The following ANKRD28 variants were observed in gnomAD, a reference collection of about 807,000 sequenced individuals.
ANKRD28 encodes ankyrin repeat domain 28.
Under a neutral mutation model 126.5 loss-of-function variants are expected in ANKRD28, and 44 were observed. That is an observed-to-expected ratio of 0.35 (90% confidence interval 0.27 to 0.45). The LOEUF is 0.45. Ranked by LOEUF, ANKRD28 falls within the 20% of genes least tolerant of loss-of-function variation. The probability of loss-of-function intolerance (pLI) is 1.00; values close to 1 mark genes in which losing one functional copy is unlikely to be tolerated. For missense variants in ANKRD28, 1,110 were observed against 1,316.6 expected, an observed-to-expected ratio of 0.84 and a Z score of 2.43; for synonymous variants, 442 against 468.5, an observed-to-expected ratio of 0.94 and a Z score of 0.73.
intron 14 of ANKRD28, among the ~76,000 whole-genome samples, chr3:15,699,064 C>G (rs1406787770): frequency 6.6e-6 from 1 of 152,150 alleles, no homozygotes; most frequent in Non-Finnish European, 1.5e-5. Context: ...TGGAACAGAA[C>G]AGAGGCCTCA....
intron 6 of ANKRD28, among the ~76,000 whole-genome samples, chr3:15,726,071 GT>G (rs2074140997): frequency 6.6e-6 from 1 of 152,244 alleles, no homozygotes; most frequent in African/African-American, 2.4e-5. Flanking sequence ...AATAAATGTT[GT>G]ATATTCCAAC....
At chr3:15,825,043 A>C (rs189463689) in intron 1 of ANKRD28, among the ~76,000 whole-genome samples, 3 of 152,332 alleles carry the variant, frequency 2.0e-5, no homozygotes, top group African/African-American at 7.2e-5. Context: ...GAAAATCAAG[A>C]ATAGATTTGA....
At position 15,815,929 on chromosome 3, in the gene ANKRD28, G is replaced by A. The variant is rs1282868529; in HGVS notation, c.28-20623C>T. Among the ~76,000 whole-genome samples, 3 of 151,750 alleles carry A rather than the reference G, an allele frequency of 2.0e-5. No individual in the cohort carries two copies. Among genetic ancestry groups the A allele is most frequent in the Non-Finnish European group, 2.9e-5 (2 of 68,014 alleles). On this transcript the variant is annotated intron_variant, in intron 1 of 27. Transcript: ENST00000399451. The surrounding 1 kb of genome is among the most constrained non-coding windows in gnomAD (Gnocchi z 4.1). ...CAAAGAAAATTAATTTCTTGAGTAC[G>A]TCCATTTAAAAAGTTAATGTCTTCC...
chr3:15,791,395 T>A (rs573949803), intron 2 of ANKRD28, among the ~76,000 whole-genome samples: 1 of 151,676 alleles, frequency 6.6e-6, no homozygotes. Flanking sequence ...CAAAACAGCA[T>A]GGTACTGTCA....
At chr3:15,677,387 G>C in intron 25 of ANKRD28, 93 bp downstream of exon 25, 1 of 857,320 alleles carries the variant, frequency 1.2e-6, no homozygotes. Context: ...AGAGAGGTTT[G>C]GTCCTGAGTT....
chr3:15,755,535 C>G (rs1462014539), intron 3 of ANKRD28, among the ~76,000 whole-genome samples: 1 of 152,154 alleles, frequency 6.6e-6, no homozygotes, highest in African/African-American at 2.4e-5. Context: ...ACGACAAATT[C>G]ATTCTAGAAA....
chr3:15,813,927 A>C (rs76105277), intron 1 of ANKRD28, among the ~76,000 whole-genome samples: 3,748 of 152,312 alleles, frequency 0.025, 159 homozygotes, highest in African/African-American at 0.084. Context: ...AACAAAATAA[A>C]TAAAACTAGT....
intron 27 of ANKRD28, among the ~76,000 whole-genome samples, chr3:15,674,176 A>C (rs1306850844): frequency 7.0e-6 from 1 of 143,196 alleles, no homozygotes; most frequent in African/African-American, 2.6e-5. Flanking sequence ...TGCCTCTTCA[A>C]AAAAAAAAAA....
chr3:15,842,585 C>G (rs1026934010), intron 1 of ANKRD28, among the ~76,000 whole-genome samples: 11 of 152,126 alleles, frequency 7.2e-5, no homozygotes, highest in African/African-American at 2.7e-4. Flanking sequence ...AAGAGCATAA[C>G]TGGGTTGTCT....
intron 1 of ANKRD28, among the ~76,000 whole-genome samples, chr3:15,824,636 GCT>G (rs2061019188): frequency 6.6e-6 from 1 of 152,194 alleles, no homozygotes. Context: ...GAAAAAATTA[GCT>G]CTGATAGTTT....
intron 1 of ANKRD28, among the ~76,000 whole-genome samples, chr3:15,806,714 G>A (rs993575163): frequency 3.9e-5 from 6 of 152,060 alleles, no homozygotes; most frequent in African/African-American, 4.8e-5. Context: ...TAAAGACAGC[G>A]TTTTACCATT....
At chr3:15,720,873 G>C in intron 8 of ANKRD28, 42 bp downstream of exon 8, 1 of 1,563,578 alleles carries the variant, frequency 6.4e-7, no homozygotes, top group Non-Finnish European at 8.8e-7. Flanking sequence ...TGTTTTAACA[G>C]TGACATATGA....
intron 6 of ANKRD28, among the ~76,000 whole-genome samples, chr3:15,733,986 T>C (rs1374399770): frequency 6.6e-6 from 1 of 152,252 alleles, no homozygotes; most frequent in Non-Finnish European, 1.5e-5. Context: ...CTGGTTTGTA[T>C]CTATTTTACA....
At chr3:15,808,411 G>C (rs1333624105) in intron 1 of ANKRD28, among the ~76,000 whole-genome samples, 1 of 152,098 alleles carries the variant, frequency 6.6e-6, no homozygotes, top group Non-Finnish European at 1.5e-5. Flanking sequence ...CTACCTCAGA[G>C]AGGAAAAAAG....
At chr3:15,708,707 G>T (rs1038501369) in intron 13 of ANKRD28, among the ~76,000 whole-genome samples, 15 of 152,110 alleles carry the variant, frequency 9.9e-5, no homozygotes, top group African/African-American at 3.6e-4. Context: ...TGGGTCATTA[G>T]TTCTTTCCAT....
At chr3:15,671,577 A>ATTT (rs2066356146) in intron 27 of ANKRD28, among the ~76,000 whole-genome samples, 1 of 145,220 alleles carries the variant, frequency 6.9e-6, no homozygotes, top group African/African-American at 2.8e-5. Flanking sequence ...TAAACACTAT[A>ATTT]GTTTTTTTTT....
At chr3:15,844,015 G>A (rs961535134) in intron 1 of ANKRD28, among the ~76,000 whole-genome samples, 5 of 152,052 alleles carry the variant, frequency 3.3e-5, no homozygotes, top group African/African-American at 1.2e-4. Context: ...GATAGTTGAA[G>A]AAAAAGGGGA....
At chr3:15,704,768 C>T (rs1305495304) in intron 14 of ANKRD28, among the ~76,000 whole-genome samples, 1 of 152,150 alleles carries the variant, frequency 6.6e-6, no homozygotes, top group Non-Finnish European at 1.5e-5. Context: ...AAAACAATCA[C>T]TTATTAAAAG....
chr3:15,802,475 C>T (rs2125856331), upstream of ANKRD28, among the ~76,000 whole-genome samples: 1 of 152,320 alleles, frequency 6.6e-6, no homozygotes, highest in South Asian at 2.1e-4. Flanking sequence ...GATAATCTTA[C>T]TCTTCCTTTA....
Sources: allele counts gnomAD v4.1 joint callset (sites outside exome capture counted in the v4.1 genomes callset), GRCh38; gene constraint gnomAD v4.1.1; non-coding constraint Gnocchi (gnomAD v3.1); transcripts MANE v1.5; gene names NCBI Gene and HGNC (gene_info 2026-07-23, HGNC 2026-07-21).